The following MPP7 variants were observed in gnomAD, a reference collection of about 807,000 sequenced individuals.
The protein encoded by MPP7 is MAGUK p55 subfamily member 7.
In MPP7, 60 loss-of-function variants were observed where a neutral mutation model predicts 76.5. The ratio of observed to expected loss-of-function variants is 0.78; its 90% CI spans 0.64 to 0.97. The LOEUF is 0.97. Ranked by LOEUF, MPP7 falls within the 50% of genes least tolerant of loss-of-function variation. MPP7 has a pLI of 0.00. For synonymous variants in MPP7, 237 were observed against 244.5 expected (o/e 0.97, Z 0.29); for missense variants, 641 against 694.0 (o/e 0.92, Z 0.86).
intron 1 of MPP7, among the ~76,000 whole-genome samples, chr10:28,268,588 C>T (rs973218402): frequency 2.4e-4 from 37 of 152,026 alleles, no homozygotes; most frequent in Admixed American, 8.5e-4. Context: ...AAAAGTTACC[C>T]GGGTGTGGTG....
intron 2 of MPP7, among the ~76,000 whole-genome samples, chr10:28,205,923 A>G (rs1241410600): frequency 6.6e-6 from 1 of 152,146 alleles, no homozygotes; most frequent in Non-Finnish European, 1.5e-5. Context: ...GAGTGGGCTC[A>G]TTATCTTGGG....
At chr10:28,295,168 T>C (rs1399290851) in intron 1 of MPP7, among the ~76,000 whole-genome samples, 3 of 152,228 alleles carry the variant, frequency 2.0e-5, no homozygotes, top group Admixed American at 6.5e-5. Flanking sequence ...AAATTTTTCA[T>C]ACTAAGCATA....
At chr10:28,069,925 C>A in intron 12 of MPP7, 73 bp from the exon 13 acceptor site, 1 of 1,101,010 alleles carries the variant, frequency 9.1e-7, no homozygotes, top group Non-Finnish European at 1.4e-6. Context: ...TGACATGAGT[C>A]TCTAAGACAG....
chr10:28,311,654 A>T lies in MPP7; in HGVS notation c.-132+18275T>A, dbSNP rs1175630691. On this transcript the variant is annotated intron_variant, in intron 2 of 11. Coordinates refer to the MPP7 transcript ENST00000441595. Reference sequence around the variant, plus strand: ...TCCCAGCAATTTGGAAGGCTGAGGTAGGAGGATTGCTTGAACCCAAGAATT... The same window carrying T: ...TCCCAGCAATTTGGAAGGCTGAGGTTGGAGGATTGCTTGAACCCAAGAATT... Among the ~76,000 whole-genome samples, 5 of 152,238 alleles carry T rather than the reference A, an allele frequency of 3.3e-5. No individual in the cohort carries two copies. In the East Asian group the frequency reaches 9.7e-4, roughly 29 times the overall value.
chr10:28,065,412 G>C (rs1343192405), intron 13 of MPP7, among the ~76,000 whole-genome samples: 1 of 152,150 alleles, frequency 6.6e-6, no homozygotes, highest in Non-Finnish European at 1.5e-5. Flanking sequence ...TTATTTTACT[G>C]ACAAAGAATG....
At chr10:28,246,341 C>A (rs938504300) in intron 1 of MPP7, among the ~76,000 whole-genome samples, 2 of 152,052 alleles carry the variant, frequency 1.3e-5, no homozygotes, top group Non-Finnish European at 2.9e-5. Flanking sequence ...AAGACTACAT[C>A]TGACAAAACT....
At chr10:28,224,633 A>G (rs976342619) in intron 2 of MPP7, among the ~76,000 whole-genome samples, 2 of 152,182 alleles carry the variant, frequency 1.3e-5, no homozygotes, top group Non-Finnish European at 2.9e-5. Context: ...ACTATTTAAC[A>G]TGCTCTTTCC....
intron 3 of MPP7, among the ~76,000 whole-genome samples, chr10:28,159,090 T>C (rs1339839400): frequency 6.6e-6 from 1 of 152,146 alleles, no homozygotes; most frequent in Admixed American, 6.5e-5. Context: ...AAATTGAGCT[T>C]TTAATAATTG....
intron 1 of MPP7, among the ~76,000 whole-genome samples, chr10:28,243,924 A>G (rs942553206): frequency 3.3e-5 from 5 of 152,254 alleles, no homozygotes; most frequent in Admixed American, 2.6e-4. Flanking sequence ...TTAAACCAAT[A>G]TAACCCACAT....
intron 2 of MPP7, among the ~76,000 whole-genome samples, chr10:28,326,967 C>T (rs1426370332): frequency 2.6e-5 from 4 of 152,242 alleles, no homozygotes; most frequent in South Asian, 2.1e-4. Context: ...TGACAATGAA[C>T]GGTATCAATG....
intron 3 of MPP7, among the ~76,000 whole-genome samples, chr10:28,194,148 G>T (rs1837502653): frequency 6.6e-6 from 1 of 152,192 alleles, no homozygotes; most frequent in Non-Finnish European, 1.5e-5. Context: ...TCAAGTAGCT[G>T]GGACTACAGG....
chr10:28,212,808 A>G (rs978228907), intron 2 of MPP7, among the ~76,000 whole-genome samples: 4 of 152,182 alleles, frequency 2.6e-5, no homozygotes, highest in African/African-American at 9.6e-5. Flanking sequence ...CTGAGAACTA[A>G]GCGTTGGATT....
At chr10:28,313,078 A>G (rs981431560) in intron 2 of MPP7, among the ~76,000 whole-genome samples, 2 of 152,150 alleles carry the variant, frequency 1.3e-5, no homozygotes, top group African/African-American at 4.8e-5. Flanking sequence ...AATTGTGTCT[A>G]TTTTCTTAAC....
chr10:28,234,231 C>T (rs1185554079), intron 2 of MPP7, among the ~76,000 whole-genome samples: 1 of 152,078 alleles, frequency 6.6e-6, no homozygotes, highest in Non-Finnish European at 1.5e-5. Flanking sequence ...ATCAAGGAAG[C>T]CAACTCAAAG....
Position 28,135,361 on chromosome 10 carries a change from C to A in MPP7, c.316-3670G>T, listed in dbSNP as rs115038552. 5.9e-3 allele frequency among the ~76,000 whole-genome samples: 903 copies of A among 152,286 alleles called. 10 individuals are homozygous for A. Among genetic ancestry groups the A allele is most frequent in the African/African-American group, 0.02 (827 of 41,562 alleles). On this transcript the variant is annotated intron_variant, in intron 5 of 16. Coordinates refer to ENST00000683449, the MANE Select transcript of MPP7 (RefSeq NM_001318170.2). The stretch of plus-strand genomic sequence containing the variant: ...CCATGGCATGCATATAAGAAAACTA[C>A]CAGAAAGAATTAGAGCAGTGGCTCT...
chr10:28,107,682 CG>C (rs1185938666), intron 11 of MPP7, among the ~76,000 whole-genome samples: 1 of 152,130 alleles, frequency 6.6e-6, no homozygotes, highest in Admixed American at 6.5e-5. Context: ...GCTAGCTTTG[CG>C]AAAGGTGAAA....
intron 3 of MPP7, among the ~76,000 whole-genome samples, chr10:28,168,595 T>G (rs994459056): frequency 2.0e-5 from 3 of 152,186 alleles, no homozygotes; most frequent in Non-Finnish European, 4.4e-5. Context: ...CTCAGCTCAC[T>G]GCAAGCTTCG....
chr10:28,312,124 C>T (rs1279132817), intron 2 of MPP7, among the ~76,000 whole-genome samples: 1 of 152,128 alleles, frequency 6.6e-6, no homozygotes, highest in Non-Finnish European at 1.5e-5. Context: ...AAGAACAAAG[C>T]TTCCACAGCG....
rs1333248108 is a variant in MPP7 at position 28,220,143 on chromosome 10, ACATGC to A, written c.38-17877_38-17873del. 2.0e-3 allele frequency among the ~76,000 whole-genome samples: 298 copies of A among 152,294 alleles called. 2 individuals carry two copies. Among genetic ancestry groups the A allele is most frequent in the Non-Finnish European group, 3.3e-3 (226 of 68,002 alleles). On this transcript the variant is annotated intron_variant, in intron 2 of 16. Transcript: ENST00000683449. ...AAATTCAGGGTGAGTTAACAGGGGA[ACATGC>A]ATACAACTTTACCTAACTTTCATTT... is the stretch of plus-strand genomic sequence containing the variant.
Sources: gnomAD v4.1 joint callset for allele counts (sites outside exome capture counted in the v4.1 genomes callset) on GRCh38, gnomAD v4.1.1 for gene constraint, MANE v1.5 for transcripts, NCBI Gene and HGNC (gene_info 2026-07-23, HGNC 2026-07-21) for gene names.